The following UBE2G1 variants were observed in gnomAD, a reference collection of about 807,000 sequenced individuals.
UBE2G1 encodes ubiquitin conjugating enzyme E2 G1.
In UBE2G1, 5 loss-of-function variants were observed where a neutral mutation model predicts 22.7. The ratio of observed to expected loss-of-function variants is 0.22; its 90% CI spans 0.12 to 0.46. UBE2G1 has a LOEUF of 0.46. UBE2G1 is among the 20% of genes least tolerant of loss of function. The probability of loss-of-function intolerance (pLI) is 0.99; values close to 1 mark genes in which losing one functional copy is unlikely to be tolerated. For synonymous variants in UBE2G1, 74 were observed against 67.5 expected (o/e 1.10, Z -0.47); for missense variants, 88 against 203.9 (o/e 0.43, Z 3.46).
intron 4 of UBE2G1, among the ~76,000 whole-genome samples, chr17:4,283,960 A>G (rs1301790051): frequency 6.6e-6 from 1 of 152,036 alleles, no homozygotes; most frequent in Non-Finnish European, 1.5e-5. Context: ...CTTCAAGACC[A>G]GCCTGGCCAA....
At chr17:4,281,209 G>C (rs985063603) in intron 5 of UBE2G1, among the ~76,000 whole-genome samples, 11 of 152,144 alleles carry the variant, frequency 7.2e-5, no homozygotes, top group Non-Finnish European at 1.2e-4. Context: ...CAGTGTAATA[G>C]CACACAGGTG....
chr17:4,322,464 T>C (rs145756488), intron 1 of UBE2G1, among the ~76,000 whole-genome samples: 58 of 152,386 alleles, frequency 3.8e-4, no homozygotes, highest in Admixed American at 9.8e-4. Flanking sequence ...TTTATTTGTA[T>C]GTGCTTCTTC....
chr17:4,335,309 G>A (rs1244337572), intron 1 of UBE2G1: 1 of 152,102 alleles, frequency 6.6e-6, no homozygotes, highest in East Asian at 1.9e-4. Context: ...GCAATACTCA[G>A]GCAGAAGTAG....
rs564055752 is a variant in UBE2G1 at position 4,270,041 on chromosome 17, G to T, written c.*2513C>A. ...GAAGGGAAGTTGTAACATCTATGTA[G>T]GCCTGTTTCAGTATGTAACACACTC... is the stretch of plus-strand genomic sequence containing the variant. On this transcript the variant is annotated 3_prime_UTR_variant, in exon 6 of 6. Transcript: ENST00000396981. 6.6e-6 allele frequency: 1 copy of T among 152,620 alleles called. No individual in the cohort carries two copies. The highest frequency in any genetic ancestry group is 2.4e-5 in the African/African-American group (1 of 41,516). The allele number at this position is 152,620 out of a possible 1,614,324, so 9.5% of individuals were successfully genotyped here.
At chr17:4,365,176 G>T (rs1459496052) in intron 1 of UBE2G1, among the ~76,000 whole-genome samples, 1 of 152,232 alleles carries the variant, frequency 6.6e-6, no homozygotes, top group East Asian at 1.9e-4. Flanking sequence ...AGAGGCTACT[G>T]GTTTTAGAGT....
intron 1 of UBE2G1, among the ~76,000 whole-genome samples, chr17:4,360,919 T>C (rs1341540030): frequency 6.7e-6 from 1 of 149,994 alleles, no homozygotes; most frequent in African/African-American, 2.5e-5. Context: ...TCTCAAAAAA[T>C]ATACATCTAT....
At chr17:4,362,010 C>T (rs1969974506) in intron 1 of UBE2G1, among the ~76,000 whole-genome samples, 1 of 150,700 alleles carries the variant, frequency 6.6e-6, no homozygotes, top group African/African-American at 2.4e-5. Flanking sequence ...GGGTTGCTTC[C>T]ACAAAAAGAA....
chr17:4,286,349 G>A (rs1258153612), intron 4 of UBE2G1, among the ~76,000 whole-genome samples: 1 of 150,636 alleles, frequency 6.6e-6, no homozygotes, highest in Non-Finnish European at 1.5e-5. Flanking sequence ...AGGTTGCAGT[G>A]AGCTGAGATT....
intron 4 of UBE2G1, among the ~76,000 whole-genome samples, chr17:4,286,905 C>T (rs1005451036): frequency 4.6e-5 from 7 of 151,794 alleles, no homozygotes; most frequent in Middle Eastern, 3.2e-3. Flanking sequence ...AATTGCTGGG[C>T]GTGGTTCCGC....
chr17:4,307,553 C>T (rs976194864), intron 1 of UBE2G1, among the ~76,000 whole-genome samples: 1 of 152,210 alleles, frequency 6.6e-6, no homozygotes, highest in Non-Finnish European at 1.5e-5. Flanking sequence ...ATGTACTGCG[C>T]TTAATAACTT....
chr17:4,338,167 C>A, intron 1 of UBE2G1, among the ~76,000 whole-genome samples: 1 of 139,906 alleles, frequency 7.1e-6, no homozygotes, highest in Non-Finnish European at 1.5e-5. Context: ...GAGACTCCAT[C>A]TCAAAAAAAA....
intron 1 of UBE2G1, among the ~76,000 whole-genome samples, chr17:4,348,586 G>A (rs1021497784): frequency 1.1e-4 from 17 of 148,762 alleles, no homozygotes; most frequent in East Asian, 7.9e-4. Flanking sequence ...AGAACAGGCC[G>A]GGGGCAATGG....
chr17:4,308,489 C>T (rs781210418), intron 1 of UBE2G1, among the ~76,000 whole-genome samples: 16 of 152,158 alleles, frequency 1.1e-4, no homozygotes, highest in Non-Finnish European at 1.3e-4. Flanking sequence ...CACGCCATTG[C>T]ACTCCAGCCT....
intron 3 of UBE2G1, among the ~76,000 whole-genome samples, chr17:4,295,723 C>G (rs1969102043): frequency 6.6e-6 from 1 of 151,706 alleles, no homozygotes; most frequent in African/African-American, 2.4e-5. Flanking sequence ...ATAAATATAG[C>G]TTATCTGGCC....
rs113212875 is a variant in UBE2G1 at position 4,340,694 on chromosome 17, T to C, written c.46+25577A>G. On this transcript the variant is annotated intron_variant, in intron 1 of 5. Transcript: ENST00000396981. ...CATGCAGAACTGTGAATTAAACCTC[T>C]TTCCTTTATAAATTATCCAGTCTCG... 8.9e-4 allele frequency among the ~76,000 whole-genome samples: 135 copies of C among 152,302 alleles called. 1 individual carries two copies. The highest frequency in any genetic ancestry group is 3.1e-3 in the African/African-American group (127 of 41,568).
At chr17:4,283,516 T>C (rs184489016) in intron 4 of UBE2G1, among the ~76,000 whole-genome samples, 55 of 151,952 alleles carry the variant, frequency 3.6e-4, no homozygotes, top group African/African-American at 1.2e-3. Flanking sequence ...AGACATTCAG[T>C]TGGTAATCTG....
chr17:4,283,453 T>C (rs1371442647), intron 4 of UBE2G1, among the ~76,000 whole-genome samples: 1 of 152,150 alleles, frequency 6.6e-6, no homozygotes, highest in African/African-American at 2.4e-5. Context: ...TGACCTGAGA[T>C]GGTGCCACTG....
chr17:4,314,313 G>C (rs1057075328), intron 1 of UBE2G1, among the ~76,000 whole-genome samples: 1 of 152,196 alleles, frequency 6.6e-6, no homozygotes, highest in African/African-American at 2.4e-5. Flanking sequence ...AAGGACTCAA[G>C]AGCCAGCTTG....
intron 1 of UBE2G1, among the ~76,000 whole-genome samples, chr17:4,348,281 C>T (rs1349566687): frequency 6.6e-6 from 1 of 151,856 alleles, no homozygotes; most frequent in African/African-American, 2.4e-5. Context: ...AGGCCGGGCG[C>T]GGTGGCTCAC....
Sources: gnomAD v4.1 joint callset for allele counts (sites outside exome capture counted in the v4.1 genomes callset) on GRCh38, gnomAD v4.1.1 for gene constraint, MANE v1.5 for transcripts, NCBI Gene and HGNC (gene_info 2026-07-23, HGNC 2026-07-21) for gene names.